DSCAM: variants seen among roughly 807,000 people sequenced by gnomAD.
DSCAM encodes DS cell adhesion molecule, also known as cell adhesion molecule DSCAM.
DSCAM carries 47 observed loss-of-function variants against 217.7 expected under a neutral mutation model. That is an observed-to-expected ratio of 0.22 (90% confidence interval 0.17 to 0.28). DSCAM has a LOEUF of 0.28. Ranked by LOEUF, DSCAM falls within the 10% of genes least tolerant of loss-of-function variation. DSCAM has a pLI of 1.00. For synonymous variants in DSCAM, 1,056 were observed against 1,015.3 expected (o/e 1.04, Z -0.76); for missense variants, 2,080 against 2,618.3 (o/e 0.79, Z 4.49).
intron 16 of DSCAM, among the ~76,000 whole-genome samples, chr21:40,156,217 C>T (rs1042741800): frequency 6.7e-6 from 1 of 148,176 alleles, no homozygotes; most frequent in African/African-American, 2.5e-5. Context: ...TGACCCTGGG[C>T]TGGAAGGGAC....
intron 4 of DSCAM, among the ~76,000 whole-genome samples, chr21:40,357,455 C>A (rs1020099318): frequency 1.3e-5 from 2 of 152,146 alleles, no homozygotes; most frequent in Admixed American, 6.5e-5. Context: ...CTAGAAGACA[C>A]AAAGTTGTGC....
At chr21:40,493,603 T>C (rs1458305902) in intron 3 of DSCAM, among the ~76,000 whole-genome samples, 1 of 152,142 alleles carries the variant, frequency 6.6e-6, no homozygotes, top group Admixed American at 6.5e-5. Context: ...GGCTCACACC[T>C]GTAATCCCAG....
At chr21:40,030,044 ACATGCATGGACACAT>A (rs1353285372) in intron 32 of DSCAM, among the ~76,000 whole-genome samples, 12 of 152,248 alleles carry the variant, frequency 7.9e-5, no homozygotes, top group Non-Finnish European at 4.4e-5. Flanking sequence ...ACACAAGTAC[ACATGCATGGACACAT>A]ATATGTTGAC....
chr21:40,343,750 C>T (rs2074524936), intron 6 of DSCAM, among the ~76,000 whole-genome samples: 2 of 151,704 alleles, frequency 1.3e-5, no homozygotes, highest in African/African-American at 4.8e-5. Flanking sequence ...ATGTAAGAAC[C>T]CTGCAACAAA....
chr21:40,139,482 TTC>T (rs1444414957), intron 18 of DSCAM, among the ~76,000 whole-genome samples: 2 of 152,042 alleles, frequency 1.3e-5, no homozygotes, highest in Non-Finnish European at 2.9e-5. Context: ...TCTTCTGAGT[TTC>T]TGATCAGCCT....
intron 16 of DSCAM, among the ~76,000 whole-genome samples, chr21:40,157,619 A>G (rs1056735300): frequency 6.6e-6 from 1 of 152,244 alleles, no homozygotes; most frequent in Non-Finnish European, 1.5e-5. Flanking sequence ...TCTGCCCTCT[A>G]TAGCTCAGTA....
At chr21:40,067,754 C>CCTCAT (rs1406269770) in intron 27 of DSCAM, among the ~76,000 whole-genome samples, 1 of 81,850 alleles carries the variant, frequency 1.2e-5, no homozygotes, top group Non-Finnish European at 2.6e-5. Context: ...CCCTCCCTCC[C>CCTCAT]TCCCTCCCTC....
intron 3 of DSCAM, among the ~76,000 whole-genome samples, chr21:40,479,532 G>C (rs1367448429): frequency 6.6e-6 from 1 of 152,202 alleles, no homozygotes; most frequent in African/African-American, 2.4e-5. Flanking sequence ...CATGGCAGAA[G>C]GCAAAGGAGG....
At chr21:40,658,436 AG>A (rs1421670391) in intron 3 of DSCAM, among the ~76,000 whole-genome samples, 2 of 152,234 alleles carry the variant, frequency 1.3e-5, no homozygotes, top group African/African-American at 4.8e-5. Context: ...ACTTCATAAG[AG>A]TAAACACCAT....
At chr21:40,031,821 C>T (rs1432585047) in intron 32 of DSCAM, among the ~76,000 whole-genome samples, 1 of 152,200 alleles carries the variant, frequency 6.6e-6, no homozygotes, top group Non-Finnish European at 1.5e-5. Context: ...AAATGGGAGA[C>T]AAGCCATCAT....
intron 19 of DSCAM, among the ~76,000 whole-genome samples, chr21:40,128,375 C>A (rs1344741525): frequency 6.6e-6 from 1 of 151,838 alleles, no homozygotes; most frequent in Non-Finnish European, 1.5e-5. Flanking sequence ...ATGGGTGTGG[C>A]ATCTGTTACT....
intron 3 of DSCAM, among the ~76,000 whole-genome samples, chr21:40,372,588 G>A (rs1391797056): frequency 6.6e-6 from 1 of 152,116 alleles, no homozygotes; most frequent in African/African-American, 2.4e-5. Context: ...GAAGCTATGT[G>A]GCATCTCAAG....
At chr21:40,760,806 A>G (rs1344452732) in intron 1 of DSCAM, among the ~76,000 whole-genome samples, 1 of 150,264 alleles carries the variant, frequency 6.7e-6, no homozygotes, top group Admixed American at 6.6e-5. Flanking sequence ...GGCCTCCAGA[A>G]TCTTCCCCTT....
chr21:40,705,918 T>A (rs182218433), intron 2 of DSCAM, among the ~76,000 whole-genome samples: 1 of 152,154 alleles, frequency 6.6e-6, no homozygotes, highest in African/African-American at 2.4e-5. Flanking sequence ...GGGTCGCTCA[T>A]GCCTGTAATC....
At chr21:40,272,675 C>A (rs2073635126) in intron 11 of DSCAM, among the ~76,000 whole-genome samples, 1 of 152,172 alleles carries the variant, frequency 6.6e-6, no homozygotes, top group African/African-American at 2.4e-5. Flanking sequence ...TTACAGCCAG[C>A]ACCAGGCCAT....
At chr21:40,341,326 C>A (rs1274572107) in intron 6 of DSCAM, among the ~76,000 whole-genome samples, 1 of 152,124 alleles carries the variant, frequency 6.6e-6, no homozygotes, top group Non-Finnish European at 1.5e-5. Flanking sequence ...TTCACGTGTC[C>A]TTTATAATTC....
At chr21:40,599,059 C>T (rs1072194) in intron 3 of DSCAM, among the ~76,000 whole-genome samples, 61,291 of 151,936 alleles carry the variant, frequency 0.4, 12,835 homozygotes, top group East Asian at 0.56. Context: ...TTTGTTTTCA[C>T]ATTGTTGAGC....
At chr21:40,286,859 G>T (rs1246170632) in intron 10 of DSCAM, among the ~76,000 whole-genome samples, 2 of 101,200 alleles carry the variant, frequency 2.0e-5, no homozygotes, top group Non-Finnish European at 4.1e-5. Flanking sequence ...GGTATCTGCA[G>T]TGTGATCCAA....
At chr21:40,442,158 T>A (rs1489534564) in intron 3 of DSCAM, among the ~76,000 whole-genome samples, 2 of 152,166 alleles carry the variant, frequency 1.3e-5, no homozygotes, top group South Asian at 2.1e-4. Flanking sequence ...AAGTAATTCA[T>A]CATATATTGT....
Sources: gnomAD v4.1 joint callset for allele counts (sites outside exome capture counted in the v4.1 genomes callset) on GRCh38, gnomAD v4.1.1 for gene constraint, MANE v1.5 for transcripts, NCBI Gene and HGNC (gene_info 2026-07-23, HGNC 2026-07-21) for gene names.